The following ARMC1 variants were observed in gnomAD, a reference collection of about 807,000 sequenced individuals.
ARMC1 encodes the protein armadillo repeat containing 1, also known as armadillo repeat-containing protein 1.
A neutral mutation model predicts 31.4 loss-of-function variants in ARMC1; 16 were observed. That is an observed-to-expected ratio of 0.51 (90% CI 0.34 to 0.77). The LOEUF (loss-of-function observed/expected upper bound fraction) is 0.77, where lower values mean the gene tolerates loss of function less well. ARMC1 is among the 30% of genes least tolerant of loss of function. The pLI is 0.01. For missense variants in ARMC1, 259 were observed against 347.5 expected, an observed-to-expected ratio of 0.75 and a Z score of 2.02; for synonymous variants, 114 against 118.9, an observed-to-expected ratio of 0.96 and a Z score of 0.27.
Position 65,627,208 on chromosome 8 carries a change from C to G in ARMC1, c.183+8G>C. 3 of 1,529,800 alleles carry G rather than the reference C, an allele frequency of 2.0e-6. No homozygotes were observed. The highest frequency in any genetic ancestry group is 2.6e-6 in the Non-Finnish European group (3 of 1,135,136). 94.8% of individuals were successfully genotyped at this position (1,529,800 alleles called of 1,614,324 possible). A position where few individuals can be genotyped will look rare whatever the true frequency, so the allele number is the denominator to read the frequency against. On this transcript the variant is annotated splice_region_variant and intron_variant, in intron 2 of 6. Transcript: ENST00000276569. ...GAACAGAGATTGAAATTACTAAAGGCAACTTACAAGCAAAGCGGAGTGGAC... is the reference window on the plus strand; with the variant it reads ...GAACAGAGATTGAAATTACTAAAGGGAACTTACAAGCAAAGCGGAGTGGAC...
intron 2 of ARMC1, among the ~76,000 whole-genome samples, 178 bp from the exon 3 acceptor site, chr8:65,622,532 G>C (rs1808416059): frequency 6.6e-6 from 1 of 152,256 alleles, no homozygotes; most frequent in South Asian, 2.1e-4. Context: ...CCTTTGAGCT[G>C]TAGTAGCTGA....
chr8:65,609,598 G>A (rs1808077446), intron 4 of ARMC1, among the ~76,000 whole-genome samples: 1 of 152,128 alleles, frequency 6.6e-6, no homozygotes, highest in African/African-American at 2.4e-5. Flanking sequence ...ATGGCTCAAC[G>A]CCTGTAATCC....
At chr8:65,618,857 T>G (rs113706063) in intron 3 of ARMC1, among the ~76,000 whole-genome samples, 2,799 of 151,274 alleles carry the variant, frequency 0.019, 86 homozygotes, top group African/African-American at 0.062. Context: ...TCCTGACTAA[T>G]GCAGTGAAAC....
chr8:65,603,536 T>G lies in ARMC1; in HGVS notation c.*858A>C, dbSNP rs1807937991. On this transcript the variant is annotated 3_prime_UTR_variant, in exon 7 of 7. Transcript: ENST00000276569. ...TTGTCAGTTTCTTTACTACCATTAT[T>G]TTTTTCTAGCCGGAGATAACGTATA... 6.6e-6 allele frequency: 1 copy of G among 152,218 alleles called. No homozygotes were observed. The highest frequency in any genetic ancestry group is 6.5e-5 in the Admixed American group (1 of 15,286). 9.4% of individuals were successfully genotyped at this position (152,218 alleles called of 1,614,324 possible).
chr8:65,615,929 G>T (rs1358886904), intron 3 of ARMC1, among the ~76,000 whole-genome samples: 1 of 151,732 alleles, frequency 6.6e-6, no homozygotes, highest in Non-Finnish European at 1.5e-5. Flanking sequence ...CTGTATTATT[G>T]TTACTCCTTT....
rs1006645428 is a variant in ARMC1, at chr8:65,604,292, C to T, written c.*102G>A. 3 of 1,154,206 alleles carry T rather than the reference C, an allele frequency of 2.6e-6. No homozygotes were observed. The highest frequency in any genetic ancestry group is 3.7e-6 in the Non-Finnish European group (3 of 811,630). 71.5% of individuals were successfully genotyped at this position (1,154,206 alleles called of 1,614,324 possible). A position where few individuals can be genotyped will look rare whatever the true frequency, so the allele number is the denominator to read the frequency against. Reference sequence around the variant, plus strand: ...CATATGCGATCGTGTAATCTAAAAACTTTTCATGATAACTTATTGCAAATT... The same window carrying T: ...CATATGCGATCGTGTAATCTAAAAATTTTTCATGATAACTTATTGCAAATT... On this transcript the variant is annotated 3_prime_UTR_variant, in exon 7 of 7. Transcript: ENST00000276569.
At chr8:65,615,895 C>CA (rs397944839) in intron 3 of ARMC1, among the ~76,000 whole-genome samples, 43 of 140,586 alleles carry the variant, frequency 3.1e-4, no homozygotes, top group African/African-American at 5.8e-4. Flanking sequence ...GACTCCGTCA[C>CA]AAAAAAAAAA....
At chr8:65,610,097 TTAAAA>T (rs902266327) in intron 4 of ARMC1, among the ~76,000 whole-genome samples, 11 of 128,610 alleles carry the variant, frequency 8.6e-5, no homozygotes, top group Admixed American at 4.1e-4. Flanking sequence ...ATAGACAAAA[TTAAAA>T]TTTTTTTGTG....
At chr8:65,618,928 A>G (rs1808335082) in intron 3 of ARMC1, among the ~76,000 whole-genome samples, 1 of 152,034 alleles carries the variant, frequency 6.6e-6, no homozygotes, top group African/African-American at 2.4e-5. Context: ...CTGTGGTCCC[A>G]GATTCTTGGG....
At chr8:65,610,366 G>A (rs1207430218) in intron 4 of ARMC1, among the ~76,000 whole-genome samples, 2 of 151,948 alleles carry the variant, frequency 1.3e-5, no homozygotes, top group Non-Finnish European at 2.9e-5. Context: ...CAAAGTGCTG[G>A]GATTATAGGC....
At chr8:65,621,729 G>A (rs1585715228) in intron 3 of ARMC1, among the ~76,000 whole-genome samples, 1 of 152,154 alleles carries the variant, frequency 6.6e-6, no homozygotes. Flanking sequence ...CGCTGGTCTT[G>A]AACTCCTGGC....
Position 65,629,111 on chromosome 8 carries a change from C to T in ARMC1, c.-35-1678G>A, listed in dbSNP as rs1250572597. Reference sequence around the variant, plus strand: ...CGGAGGTTGCAGTGAGCCGAGATTGCGCCATTGCACTACAGCCTGGATGAC... The same window carrying T: ...CGGAGGTTGCAGTGAGCCGAGATTGTGCCATTGCACTACAGCCTGGATGAC... On this transcript the variant is annotated intron_variant, in intron 1 of 6. Coordinates refer to ENST00000276569, the MANE Select transcript of ARMC1 (RefSeq NM_018120.6). Among the ~76,000 whole-genome samples the T allele has an allele frequency of 4.7e-5, 7 of 149,620 alleles. No homozygotes were observed. In the South Asian group the frequency reaches 8.4e-4, roughly 18 times the overall value.
chr8:65,618,893 A>C (rs553689160), intron 3 of ARMC1, among the ~76,000 whole-genome samples: 1 of 152,142 alleles, frequency 6.6e-6, no homozygotes, highest in Non-Finnish European at 1.5e-5. Flanking sequence ...AATACAAAAA[A>C]TTAGCCGGGC....
At position 65,604,277 on chromosome 8, in the gene ARMC1, C is replaced by A; in HGVS notation, c.*117G>T. On this transcript the variant is annotated 3_prime_UTR_variant, in exon 7 of 7. Coordinates refer to ENST00000276569, the MANE Select transcript of ARMC1 (RefSeq NM_018120.6). ...AAACGTGAAATGCAGCATATGCGAT[C>A]GTGTAATCTAAAAACTTTTCATGAT... 1.1e-6 allele frequency: 1 copy of A among 910,378 alleles called. No individual in the cohort carries two copies. Among genetic ancestry groups the A allele is most frequent in the Non-Finnish European group, 1.7e-6 (1 of 601,000 alleles). The allele number at this position is 910,378 out of a possible 1,614,324, so 56.4% of individuals were successfully genotyped here.
At chr8:65,616,934 C>T (rs1304813356) in intron 3 of ARMC1, among the ~76,000 whole-genome samples, 13 of 151,428 alleles carry the variant, frequency 8.6e-5, no homozygotes, top group East Asian at 7.9e-4. Flanking sequence ...CCCCTCCGCC[C>T]GGCAGCTGCC....
intron 1 of ARMC1, among the ~76,000 whole-genome samples, chr8:65,630,967 T>C (rs1284947392): frequency 6.6e-6 from 1 of 152,130 alleles, no homozygotes; most frequent in African/African-American, 2.4e-5. Flanking sequence ...CTGAGACTAT[T>C]GTACAGTATT....
chr8:65,610,878 A>C (rs1808123686), intron 4 of ARMC1, among the ~76,000 whole-genome samples: 1 of 151,536 alleles, frequency 6.6e-6, no homozygotes, highest in African/African-American at 2.4e-5. Flanking sequence ...CTTTCATGAA[A>C]CCTGTTTCAT....
intron 3 of ARMC1, among the ~76,000 whole-genome samples, chr8:65,620,404 C>T (rs1008543334): frequency 1.4e-5 from 2 of 146,602 alleles, no homozygotes; most frequent in African/African-American, 2.5e-5. Flanking sequence ...CGAGTTCAAG[C>T]GATTCTCCTG....
intron 3 of ARMC1, among the ~76,000 whole-genome samples, chr8:65,616,716 T>C (rs1487464209): frequency 7.8e-5 from 11 of 141,916 alleles, no homozygotes; most frequent in African/African-American, 2.9e-4. Context: ...ACCCATAGTC[T>C]GAGATGTGGG....
Sources: gnomAD v4.1 joint callset for allele counts (sites outside exome capture counted in the v4.1 genomes callset) on GRCh38, gnomAD v4.1.1 for gene constraint, MANE v1.5 for transcripts, NCBI Gene and HGNC (gene_info 2026-07-23, HGNC 2026-07-21) for gene names.